KCNK13: variants seen among roughly 807,000 people sequenced by gnomAD.
The protein encoded by KCNK13 is potassium two pore domain channel subfamily K member 13, also known as potassium channel subfamily K member 13.
In KCNK13, 12 loss-of-function variants were observed where a neutral mutation model predicts 23.4. The ratio of observed to expected loss-of-function variants is 0.51; its 90% CI spans 0.33 to 0.83. The LOEUF is 0.83. Ranked by LOEUF, KCNK13 falls within the 40% of genes least tolerant of loss-of-function variation. The pLI, the probability that KCNK13 is intolerant of heterozygous loss-of-function variation, is 0.02. For missense variants in KCNK13, 463 were observed against 556.3 expected, an observed-to-expected ratio of 0.83 and a Z score of 1.69; for synonymous variants, 231 against 229.5, an observed-to-expected ratio of 1.01 and a Z score of -0.06.
intron 1 of KCNK13, among the ~76,000 whole-genome samples, chr14:90,090,768 G>A (rs117522048): frequency 0.011 from 1,660 of 152,280 alleles, 18 homozygotes; most frequent in Non-Finnish European, 0.018. Flanking sequence ...TCGTGATAGT[G>A]AATGTGTCTC....
At chr14:90,072,455 G>A (rs8005820) in intron 1 of KCNK13, among the ~76,000 whole-genome samples, 1 of 152,178 alleles carries the variant, frequency 6.6e-6, no homozygotes, top group African/African-American at 2.4e-5. Context: ...ACAGCATTGT[G>A]CTGGCCAGAC....
At chr14:90,113,163 T>G in intron 1 of KCNK13, among the ~76,000 whole-genome samples, 1 of 152,112 alleles carries the variant, frequency 6.6e-6, no homozygotes, top group Non-Finnish European at 1.5e-5. Context: ...CAAGCAATCT[T>G]CTCTCCCCAG....
In KCNK13 at chr14:90,115,779, A is replaced by G. The variant is rs28562400; in HGVS notation, c.334+53240A>G. Among the ~76,000 whole-genome samples the G allele has an allele frequency of 5.4e-3, 820 of 152,340 alleles. 8 individuals are homozygous for G. Among genetic ancestry groups the G allele is most frequent in the African/African-American group, 0.019 (795 of 41,588 alleles). Reference sequence around the variant, plus strand: ...ACCCTGAAAAACCACCTGGGGAGCTATAATGTGTTCTTTTATGCCCAGGCA... The same window carrying G: ...ACCCTGAAAAACCACCTGGGGAGCTGTAATGTGTTCTTTTATGCCCAGGCA... On this transcript the variant is annotated intron_variant, in intron 1 of 1. Coordinates refer to ENST00000282146, the MANE Select transcript of KCNK13 (RefSeq NM_022054.4).
At chr14:90,073,934 CA>C (rs1419447222) in intron 1 of KCNK13, among the ~76,000 whole-genome samples, 2 of 151,714 alleles carry the variant, frequency 1.3e-5, no homozygotes, top group African/African-American at 4.8e-5. Flanking sequence ...CTCAGCCACC[CA>C]AAGTGCTGGG....
intron 1 of KCNK13, among the ~76,000 whole-genome samples, chr14:90,063,254 T>G (rs1053990833): frequency 1.3e-5 from 2 of 152,106 alleles, no homozygotes; most frequent in Non-Finnish European, 2.9e-5. Flanking sequence ...GAAGGTCTGC[T>G]GGCTAATGGG....
At chr14:90,111,424 G>C (rs1410474373) in intron 1 of KCNK13, among the ~76,000 whole-genome samples, 4 of 152,182 alleles carry the variant, frequency 2.6e-5, no homozygotes, top group Non-Finnish European at 1.5e-5. Context: ...GGCTCTAGGA[G>C]ATGTGGTTGA....
chr14:90,132,964 C>CCA (rs1889892944), intron 1 of KCNK13, among the ~76,000 whole-genome samples: 1 of 152,146 alleles, frequency 6.6e-6, no homozygotes, highest in Admixed American at 6.6e-5. Flanking sequence ...TCCCACTGTA[C>CCA]ACCATTTTCA....
chr14:90,149,937 T>C (rs1290533388), intron 1 of KCNK13, among the ~76,000 whole-genome samples: 1 of 151,976 alleles, frequency 6.6e-6, no homozygotes, highest in East Asian at 1.9e-4. Flanking sequence ...ATAACAGCGA[T>C]CAAGTAATCC....
chr14:90,070,226 T>C (rs932852330), intron 1 of KCNK13, among the ~76,000 whole-genome samples: 3 of 152,226 alleles, frequency 2.0e-5, no homozygotes, highest in African/African-American at 7.2e-5. Context: ...TTAAAATCAC[T>C]GAAATGTATT....
chr14:90,097,416 C>T (rs143579150), intron 1 of KCNK13, among the ~76,000 whole-genome samples: 1 of 152,242 alleles, frequency 6.6e-6, no homozygotes, highest in East Asian at 1.9e-4. Context: ...CTAATCCAGT[C>T]TCACCAAAGC....
chr14:90,167,662 C>T (rs1452962120), intron 1 of KCNK13, among the ~76,000 whole-genome samples: 5 of 152,244 alleles, frequency 3.3e-5, no homozygotes, highest in African/African-American at 1.2e-4. Context: ...CCTGCTCATT[C>T]GCTGAGGCAG....
chr14:90,169,635 T>C (rs1566651036), intron 1 of KCNK13, among the ~76,000 whole-genome samples: 1 of 152,240 alleles, frequency 6.6e-6, no homozygotes, highest in Non-Finnish European at 1.5e-5. Context: ...GAACTTTATC[T>C]GCAGACGGGC....
chr14:90,129,693 G>A (rs1213796802), intron 1 of KCNK13, among the ~76,000 whole-genome samples: 1 of 151,962 alleles, frequency 6.6e-6, no homozygotes, highest in Non-Finnish European at 1.5e-5. Flanking sequence ...ATTTTCACCA[G>A]CTCTTAGTAT....
At chr14:90,074,031 C>A (rs907669898) in intron 1 of KCNK13, among the ~76,000 whole-genome samples, 1 of 151,940 alleles carries the variant, frequency 6.6e-6, no homozygotes, top group African/African-American at 2.4e-5. Flanking sequence ...TGCAGTGACG[C>A]GATCTTGGCT....
intron 1 of KCNK13, among the ~76,000 whole-genome samples, chr14:90,142,600 G>A (rs1343463673): frequency 1.3e-5 from 2 of 152,128 alleles, no homozygotes; most frequent in Non-Finnish European, 2.9e-5. Context: ...TTACAGGCAT[G>A]AGCCATTCTG....
intron 1 of KCNK13, among the ~76,000 whole-genome samples, chr14:90,095,028 T>G (rs935894116): frequency 6.6e-6 from 1 of 152,216 alleles, no homozygotes; most frequent in Non-Finnish European, 1.5e-5. Flanking sequence ...ACCATTTTGG[T>G]GAAAGCATTT....
intron 1 of KCNK13, among the ~76,000 whole-genome samples, chr14:90,072,034 A>C (rs1050506790): frequency 6.6e-6 from 1 of 152,196 alleles, no homozygotes; most frequent in Non-Finnish European, 1.5e-5. Context: ...AGAAGCACGC[A>C]GTCCTGCCGA....
chr14:90,133,797 T>C (rs1441848625), intron 1 of KCNK13, among the ~76,000 whole-genome samples: 1 of 152,070 alleles, frequency 6.6e-6, no homozygotes, highest in African/African-American at 2.4e-5. Flanking sequence ...TTCCCTGCTT[T>C]CCAGGCAGCC....
chr14:90,127,607 G>A (rs1448620638), intron 1 of KCNK13, among the ~76,000 whole-genome samples: 1 of 149,382 alleles, frequency 6.7e-6, no homozygotes, highest in Non-Finnish European at 1.5e-5. Flanking sequence ...GAATCCAGGA[G>A]TTTGAGACCA....
Sources: gnomAD v4.1 joint callset for allele counts (sites outside exome capture counted in the v4.1 genomes callset) on GRCh38, gnomAD v4.1.1 for gene constraint, MANE v1.5 for transcripts, NCBI Gene and HGNC (gene_info 2026-07-23, HGNC 2026-07-21) for gene names.